The following OR52H1 variants were observed in gnomAD, a reference collection of about 807,000 sequenced individuals.
OR52H1 encodes the protein olfactory receptor family 52 subfamily H member 1, also known as olfactory receptor 52H1.
For synonymous variants in OR52H1, 148 were observed against 138.6 expected (o/e 1.07, Z -0.48); for missense variants, 383 against 396.4 (o/e 0.97, Z 0.29).
rs375891532 is a variant in OR52H1 at position 5,544,921 on chromosome 11, G to A, written c.585C>T (p.Ser195=). Residue 195 remains serine (S), a synonymous_variant, in exon 2 of 2, where the codon TCC becomes TCT. Transcript: ENST00000322653. ...GVAQLACADI[S]INFWYGFCVP... is the part of the protein sequence containing the mutation. ...CACAAAAGCCATACCAGAAGTTGAT[G>A]GAGATATCAGCACAGGCGAGCTGGG... The A allele has an allele frequency of 1.2e-6, 2 of 1,614,136 alleles. No individual in the cohort carries two copies. The highest frequency in any genetic ancestry group is 1.1e-5 in the South Asian group (1 of 91,074).
chr11:5,546,390 A>G (rs1276922603), intron 1 of OR52H1, among the ~76,000 whole-genome samples: 1 of 151,390 alleles, frequency 6.6e-6, no homozygotes, highest in East Asian at 2.0e-4. Context: ...TTACATTCTC[A>G]GGCATATCCA....
rs186202871 is a variant in OR52H1, at chr11:5,547,182, C to T, written c.-31+1270G>A. On this transcript the variant is annotated intron_variant, in intron 1 of 1. Coordinates refer to ENST00000322653, the MANE Select transcript of OR52H1 (RefSeq NM_001005289.5). ...TGTTGGCCAGGCTGGTCTCGAACTCCTGACCTTAGGTGATCCACCCACCTC... is the reference window on the plus strand; with the variant it reads ...TGTTGGCCAGGCTGGTCTCGAACTCTTGACCTTAGGTGATCCACCCACCTC... 3.5e-3 allele frequency among the ~76,000 whole-genome samples: 534 copies of T among 152,260 alleles called. 3 individuals carry two copies. Among genetic ancestry groups the T allele is most frequent in the African/African-American group, 0.012 (517 of 41,548 alleles).
rs200264634 is a variant in OR52H1, at chr11:5,544,861, G to A, written c.645C>T (p.Leu215=). The part of the protein sequence containing the change: ...PIMTVISDVI[L]IAVSYAHILC... ...GGATGTGTGCGTAGGAAACAGCAAT[G>A]AGAATCACATCTGAGATGACCGTCA... The change falls in exon 2 of 2, where the codon CTC becomes CTT. Residue 215 remains leucine, a synonymous_variant. Coordinates refer to ENST00000322653, the MANE Select transcript of OR52H1 (RefSeq NM_001005289.5). 5.6e-5 allele frequency: 91 copies of A among 1,613,910 alleles called. No homozygotes were observed. The highest frequency in any genetic ancestry group is 7.2e-5 in the Non-Finnish European group (85 of 1,179,938).
In OR52H1 at chr11:5,544,989, T is replaced by C. The variant is rs765837521; in HGVS notation, c.517A>G (p.Thr173Ala). The change falls in exon 2 of 2, where the codon ACA (threonine) becomes GCA (alanine). Residue 173 changes from threonine (T) to alanine (A), a missense_variant. Physicochemically the swap from Thr to Ala is moderately conservative, Grantham distance 58. Coordinates refer to ENST00000322653, the MANE Select transcript of OR52H1 (RefSeq NM_001005289.5). The stretch of plus-strand genomic sequence containing the variant: ...CAGTATGTGTGGGGTATGATGCGTG[T>C]CCTGCAGAAAGGCAGGCATGTCAGC... ...FLLTCLPFCR[T>A]RIIPHTYCEH... is the part of the protein sequence containing the mutation. 22 of 1,614,186 alleles carry C rather than the reference T, an allele frequency of 1.4e-5. No homozygotes were observed. In the East Asian group the frequency reaches 4.7e-4, roughly 34 times the overall value.
chr11:5,544,888 G>T lies in OR52H1; in HGVS notation c.618C>A (p.Ile206=). 1.2e-6 allele frequency: 2 copies of T among 1,613,980 alleles called. No homozygotes were observed. The highest frequency in any genetic ancestry group is 1.7e-6 in the Non-Finnish European group (2 of 1,179,894). ...INFWYGFCVP[I]MTVISDVILI... ...GAATCACATCTGAGATGACCGTCAT[G>T]ATGGGAACACAAAAGCCATACCAGA... Residue 206 remains isoleucine, a synonymous_variant, in exon 2 of 2, where the codon ATC becomes ATA. Coordinates refer to ENST00000322653, the MANE Select transcript of OR52H1 (RefSeq NM_001005289.5).
chr11:5,547,816 C>T (rs369848), intron 1 of OR52H1, among the ~76,000 whole-genome samples: 48,350 of 151,518 alleles, frequency 0.32, 9,957 homozygotes, highest in East Asian at 0.85. Flanking sequence ...TGGCTAATTT[C>T]TTTGTATTTT....
At chr11:5,547,734 C>T (rs534849943) in intron 1 of OR52H1, among the ~76,000 whole-genome samples, 1 of 152,256 alleles carries the variant, frequency 6.6e-6, no homozygotes, top group East Asian at 1.9e-4. Flanking sequence ...CAACCTCCAC[C>T]TCCATGGTTC....
intron 1 of OR52H1, among the ~76,000 whole-genome samples, 157 bp downstream of exon 1, chr11:5,548,295 G>C (rs1564846216): frequency 6.6e-6 from 1 of 152,186 alleles, no homozygotes; most frequent in Non-Finnish European, 1.5e-5. Context: ...ATATACACAA[G>C]TACTGGAGAT....
At position 5,544,567 on chromosome 11, in the gene OR52H1, T is replaced by C. The variant is rs1846819219; in HGVS notation, c.939A>G (p.Thr313=). 1.3e-6 allele frequency: 2 copies of C among 1,587,244 alleles called. No individual in the cohort carries two copies. The highest frequency in any genetic ancestry group is 1.7e-6 in the Non-Finnish European group (2 of 1,167,420). The change falls in exon 2 of 2, where the codon ACA becomes ACG. Residue 313 remains threonine, a synonymous_variant. Coordinates refer to ENST00000322653, the MANE Select transcript of OR52H1 (RefSeq NM_001005289.5). ...DKVILLFSKG[T]G ...AACTTATCCTAGTAAAACATCATCC[T>C]GTACCCTTAGAAAACAAAAGTATAA...
Position 5,545,049 on chromosome 11 carries a change from G to A in OR52H1, c.457C>T (p.Arg153Ter), listed in dbSNP as rs200600290. 4.3e-5 allele frequency: 69 copies of A among 1,614,026 alleles called. 1 individual carries two copies. The Admixed American group carries it at 1.0e-3, about 23-fold the overall frequency. Residue 153 changes from arginine (R) to a stop codon, truncating the protein, a stop_gained, in exon 2 of 2, where the codon CGA becomes TGA. Transcript: ENST00000322653. LOFTEE classifies it low-confidence loss of function (END_TRUNC). ...IIKSAMGISF[R>*]SFCIILPDVF... is the part of the protein sequence containing the mutation. ...TCTGGCAGGATGATGCAGAAGCTTC[G>A]AAAGGAGATGCCCATAGCACTCTTG...
chr11:5,545,783 C>T (rs564751983), intron 1 of OR52H1, among the ~76,000 whole-genome samples: 1 of 152,254 alleles, frequency 6.6e-6, no homozygotes, highest in South Asian at 2.1e-4. Flanking sequence ...TTCTGACCTC[C>T]CCCAGTAGTT....
intron 1 of OR52H1, among the ~76,000 whole-genome samples, chr11:5,546,343 C>T (rs1450553153): frequency 1.3e-5 from 2 of 152,156 alleles, no homozygotes; most frequent in East Asian, 3.9e-4. Context: ...CACATCGACC[C>T]AAGACACATA....
intron 1 of OR52H1, 65 bp from the exon 2 acceptor site, chr11:5,545,600 A>C (rs10838299): frequency 0.57 from 803,834 of 1,399,194 alleles, 239,845 homozygotes; most frequent in Non-Finnish European, 0.62. Flanking sequence ...AACTAATTAT[A>C]ATTATTGCCT....
At position 5,544,909 on chromosome 11, in the gene OR52H1, C is replaced by T. The variant is rs764496309; in HGVS notation, c.597G>A (p.Trp199Ter). 9 of 1,613,854 alleles carry T rather than the reference C, an allele frequency of 5.6e-6. No individual in the cohort carries two copies. In the East Asian group the frequency reaches 1.8e-4, roughly 32 times the overall value. The change falls in exon 2 of 2, where the codon TGG becomes TGA. Residue 199 changes from tryptophan (W) to a stop codon, truncating the protein, a stop_gained. Transcript: ENST00000322653. LOFTEE classifies it low-confidence loss of function (END_TRUNC). ...LACADISINF[W>*]YGFCVPIMTV... is the part of the protein sequence containing the mutation. ...TCATGATGGGAACACAAAAGCCATA[C>T]CAGAAGTTGATGGAGATATCAGCAC... is the stretch of plus-strand genomic sequence containing the variant.
At chr11:5,546,984 C>T (rs1305885929) in intron 1 of OR52H1, among the ~76,000 whole-genome samples, 1 of 152,294 alleles carries the variant, frequency 6.6e-6, no homozygotes, top group South Asian at 2.1e-4. Context: ...GAGACAGAGT[C>T]TCACTCTGTC....
Position 5,545,288 on chromosome 11 carries a change from A to G in OR52H1, c.218T>C (p.Leu73Pro). Reference sequence around the variant, plus strand: ...AGGCACACCAGCTGTGGACAAGATGAGGTCAGTCATGGCCAGCATGGAGAG... The same window carrying G: ...AGGCACACCAGCTGTGGACAAGATGGGGTCAGTCATGGCCAGCATGGAGAG... ...FFLSMLAMTDLILSTAGVPKA... is the reference protein window; with the variant it reads ...FFLSMLAMTDPILSTAGVPKA... The change falls in exon 2 of 2, where the codon CTC becomes CCC. Residue 73 changes from leucine (L) to proline (P), a missense_variant. Physicochemically the swap from Leu to Pro is moderately conservative, Grantham distance 98 (BLOSUM62 -3). Transcript: ENST00000322653. 1 of 1,614,182 alleles carries G rather than the reference A, an allele frequency of 6.2e-7. No homozygotes were observed. Among genetic ancestry groups the G allele is most frequent in the Non-Finnish European group, 8.5e-7 (1 of 1,180,018 alleles).
intron 1 of OR52H1, among the ~76,000 whole-genome samples, chr11:5,546,727 A>C (rs1018965565): frequency 2.6e-5 from 4 of 152,174 alleles, no homozygotes; most frequent in Non-Finnish European, 2.9e-5. Context: ...AATACAACAG[A>C]TGTTCATGAA....
chr11:5,545,367 G>C lies in OR52H1; in HGVS notation c.139C>G (p.Leu47Val). 1 of 1,614,166 alleles carries C rather than the reference G, an allele frequency of 6.2e-7. No homozygotes were observed. The highest frequency in any genetic ancestry group is 8.5e-7 in the Non-Finnish European group (1 of 1,180,022). Reference protein sequence around the residue: ...YIVAVVGNCILLYLIVVEHSL... With the variant: ...YIVAVVGNCIVLYLIVVEHSL... ...TGCTCCACCACAATGAGGTAGAGAA[G>C]GATGCAGTTTCCCACAACAGCTACA... Residue 47 changes from leucine (L) to valine (V), a missense_variant, in exon 2 of 2, where the codon CTT becomes GTT. Physicochemically the swap from Leu to Val is conservative, Grantham distance 32. Transcript: ENST00000322653.
rs1245473559 is a variant in OR52H1 at position 5,544,863 on chromosome 11, G to GAATC, written c.639_642dup (p.Leu215AspfsTer91). On this transcript the variant is annotated frameshift_variant, in exon 2 of 2. Coordinates refer to ENST00000322653, the MANE Select transcript of OR52H1 (RefSeq NM_001005289.5). LOFTEE classifies it low-confidence loss of function (END_TRUNC). ...ATGTGTGCGTAGGAAACAGCAATGA[G>GAATC]AATCACATCTGAGATGACCGTCATG... 6.2e-7 allele frequency: 1 copy of GAATC among 1,614,008 alleles called. No individual in the cohort carries two copies.
Sources: allele counts gnomAD v4.1 joint callset (sites outside exome capture counted in the v4.1 genomes callset), GRCh38; gene constraint gnomAD v4.1.1; transcripts MANE v1.5; gene names NCBI Gene and HGNC (gene_info 2026-07-23, HGNC 2026-07-21).